The following PRKAR2B variants were observed in gnomAD, a reference collection of about 807,000 sequenced individuals.
The protein encoded by PRKAR2B is cAMP-dependent protein kinase type II-beta regulatory subunit.
A neutral mutation model predicts 49.9 loss-of-function variants in PRKAR2B; 14 were observed. The observed-to-expected ratio is 0.28, with a 90% confidence interval of 0.19 to 0.44. The LOEUF is 0.44. Ranked by LOEUF, PRKAR2B falls within the 20% of genes least tolerant of loss-of-function variation. The pLI is 1.00. For synonymous variants in PRKAR2B, 196 were observed against 197.7 expected (o/e 0.99, Z 0.07); for missense variants, 393 against 537.9 (o/e 0.73, Z 2.67).
chr7:107,065,137 G>C (rs1794109202), intron 1 of PRKAR2B, among the ~76,000 whole-genome samples: 1 of 152,160 alleles, frequency 6.6e-6, no homozygotes, highest in Non-Finnish European at 1.5e-5. Flanking sequence ...GAAAGTGTTT[G>C]TTGCTAGAAA....
At chr7:107,148,496 A>G (rs574168653) in intron 6 of PRKAR2B, among the ~76,000 whole-genome samples, 7 of 152,322 alleles carry the variant, frequency 4.6e-5, no homozygotes, top group Admixed American at 2.0e-4. Context: ...TAGTCTATAC[A>G]TGTTATTAAA....
intron 5 of PRKAR2B, among the ~76,000 whole-genome samples, chr7:107,143,683 C>A (rs2115646013): frequency 2.0e-5 from 3 of 152,282 alleles, no homozygotes; most frequent in Middle Eastern, 6.8e-3. Flanking sequence ...CACAGATTGT[C>A]CACATGGGTG....
chr7:107,062,122 G>A (rs1177527624), intron 1 of PRKAR2B, among the ~76,000 whole-genome samples: 1 of 152,104 alleles, frequency 6.6e-6, no homozygotes, highest in African/African-American at 2.4e-5. Context: ...CTGTGGGTAT[G>A]TTATAAAGTT....
intron 1 of PRKAR2B, among the ~76,000 whole-genome samples, chr7:107,062,446 C>T (rs1310082810): frequency 2.6e-5 from 4 of 152,008 alleles, no homozygotes. Flanking sequence ...GAATACTACT[C>T]ATCAATAAAA....
At chr7:107,154,239 G>T (rs1013551220) in intron 8 of PRKAR2B, among the ~76,000 whole-genome samples, 1 of 152,148 alleles carries the variant, frequency 6.6e-6, no homozygotes, top group African/African-American at 2.4e-5. Context: ...TAGATTCACA[G>T]GAAGTTGCAA....
At chr7:107,057,573 A>G (rs1412733852) in intron 1 of PRKAR2B, among the ~76,000 whole-genome samples, 2 of 152,218 alleles carry the variant, frequency 1.3e-5, no homozygotes, top group African/African-American at 2.4e-5. Context: ...TCATTTTGGT[A>G]TAGACTCTAG....
intron 1 of PRKAR2B, chr7:107,069,597 A>AT (rs1794221891): frequency 6.6e-6 from 1 of 152,220 alleles, no homozygotes; most frequent in South Asian, 2.1e-4. Flanking sequence ...AACCAAGAAG[A>AT]TACAGAGCTG....
chr7:107,086,522 T>C (rs1279664601), intron 2 of PRKAR2B, among the ~76,000 whole-genome samples: 4 of 152,032 alleles, frequency 2.6e-5, no homozygotes, highest in Non-Finnish European at 5.9e-5. Flanking sequence ...TTGCCGAGGC[T>C]GGAGTGCAGT....
intron 2 of PRKAR2B, among the ~76,000 whole-genome samples, chr7:107,087,352 A>G (rs1794640952): frequency 6.6e-6 from 1 of 152,188 alleles, no homozygotes. Context: ...TCATTTTGAA[A>G]AAGAACTTGG....
At chr7:107,095,797 G>A (rs1026537491) in intron 2 of PRKAR2B, among the ~76,000 whole-genome samples, 7 of 152,184 alleles carry the variant, frequency 4.6e-5, no homozygotes, top group Non-Finnish European at 7.4e-5. Flanking sequence ...TCATATGATG[G>A]ATTACGTTTA....
At chr7:107,074,634 A>G (rs920333335) in intron 2 of PRKAR2B, among the ~76,000 whole-genome samples, 2 of 151,904 alleles carry the variant, frequency 1.3e-5, no homozygotes, top group African/African-American at 4.8e-5. Context: ...CGCTGTCTCT[A>G]CTAAAAATAC....
chr7:107,089,731 T>A (rs1361441632), intron 2 of PRKAR2B, among the ~76,000 whole-genome samples: 1 of 152,232 alleles, frequency 6.6e-6, no homozygotes, highest in Non-Finnish European at 1.5e-5. Context: ...TTTTGCAGAT[T>A]TATTCATTTG....
At chr7:107,048,865 T>C (rs931431865) in intron 1 of PRKAR2B, among the ~76,000 whole-genome samples, 10 of 152,228 alleles carry the variant, frequency 6.6e-5, no homozygotes, top group African/African-American at 2.2e-4. Context: ...GAGCAAGCTT[T>C]AGATGTTAGA....
At chr7:107,120,237 C>G (rs1046561591) in intron 2 of PRKAR2B, among the ~76,000 whole-genome samples, 6 of 152,140 alleles carry the variant, frequency 3.9e-5, no homozygotes, top group Non-Finnish European at 7.4e-5. Context: ...TAGAATGCTT[C>G]CAGCATCCCT....
At chr7:107,118,262 C>T (rs1795316160) in intron 2 of PRKAR2B, among the ~76,000 whole-genome samples, 2 of 152,310 alleles carry the variant, frequency 1.3e-5, no homozygotes, top group African/African-American at 2.4e-5. Flanking sequence ...TCCTCTCTGT[C>T]CCCATTTCTT....
chr7:107,058,647 C>A (rs1031850174), intron 1 of PRKAR2B, among the ~76,000 whole-genome samples: 15 of 152,030 alleles, frequency 9.9e-5, no homozygotes, highest in Admixed American at 6.6e-5. Context: ...ATAATAATTC[C>A]TTGAAATACC....
chr7:107,098,098 A>G (rs982864003), intron 2 of PRKAR2B, among the ~76,000 whole-genome samples: 7 of 152,224 alleles, frequency 4.6e-5, no homozygotes, highest in Non-Finnish European at 1.0e-4. Context: ...AATATCCTGA[A>G]GAGTGTTTTC....
chr7:107,099,358 T>C (rs1433708651), intron 2 of PRKAR2B, among the ~76,000 whole-genome samples: 2 of 152,194 alleles, frequency 1.3e-5, no homozygotes, highest in Non-Finnish European at 2.9e-5. Flanking sequence ...TTGCTAAGAC[T>C]GTTGGAAAAG....
At chr7:107,142,971 C>A (rs775802137) in intron 5 of PRKAR2B, among the ~76,000 whole-genome samples, 1 of 152,106 alleles carries the variant, frequency 6.6e-6, no homozygotes. Flanking sequence ...CCATGTTGGT[C>A]GGGCTGGTCT....
Sources: gnomAD v4.1 joint callset for allele counts (sites outside exome capture counted in the v4.1 genomes callset) on GRCh38, gnomAD v4.1.1 for gene constraint, MANE v1.5 for transcripts, NCBI Gene and HGNC (gene_info 2026-07-23, HGNC 2026-07-21) for gene names.